The following DNAH3 variants were observed in gnomAD, a reference collection of about 807,000 sequenced individuals.
DNAH3 encodes axonemal beta dynein heavy chain 3.
In DNAH3, 332 loss-of-function variants were observed where a neutral mutation model predicts 432.5. That is an observed-to-expected ratio of 0.77 (90% CI 0.70 to 0.84). The LOEUF (loss-of-function observed/expected upper bound fraction) is 0.84, where lower values mean the gene tolerates loss of function less well. Among genes scored for constraint, DNAH3 ranks in the 40% least tolerant of loss-of-function variants. The pLI is 0.00. For missense variants in DNAH3, 4,861 were observed against 5,114.0 expected (o/e 0.95, Z 1.51); for synonymous variants, 1,956 against 1,900.2 (o/e 1.03, Z -0.76).
chr16:21,027,802 C>T (rs1432183452), intron 37 of DNAH3, among the ~76,000 whole-genome samples: 2 of 152,182 alleles, frequency 1.3e-5, no homozygotes, highest in Non-Finnish European at 2.9e-5. Context: ...GATGAAGAAT[C>T]GAGAAGTTAT....
At chr16:21,044,988 G>A (rs1465994208) in intron 31 of DNAH3, among the ~76,000 whole-genome samples, 22 of 151,898 alleles carry the variant, frequency 1.4e-4, no homozygotes, top group East Asian at 7.7e-4. Flanking sequence ...ATTGATTTGC[G>A]GATATTGAAC....
At chr16:21,155,043 G>A (rs1157045592) in intron 1 of DNAH3, among the ~76,000 whole-genome samples, 1 of 149,294 alleles carries the variant, frequency 6.7e-6, no homozygotes, top group Non-Finnish European at 1.5e-5. Flanking sequence ...TCCACCTCCT[G>A]GGTTCAAGTG....
chr16:21,079,383 G>A (rs1380011448), intron 20 of DNAH3, among the ~76,000 whole-genome samples: 1 of 152,148 alleles, frequency 6.6e-6, no homozygotes, highest in Non-Finnish European at 1.5e-5. Context: ...CAGTACTTTG[G>A]GAGGCCAAGG....
exon 32 of DNAH3, chr16:21,042,058 G>A (rs2089466470): frequency 6.2e-7 from 1 of 1,613,910 alleles, no homozygotes. Flanking sequence ...AGCCCTGCCA[G>A]CATACCCGGG....
intron 30 of DNAH3, 82 bp downstream of exon 30, chr16:21,049,828 C>T: frequency 2.2e-6 from 3 of 1,393,746 alleles, no homozygotes; most frequent in Middle Eastern, 1.9e-4. Flanking sequence ...GCTAAACCAT[C>T]TTAAAGTTGA....
rs2088066572 is a variant in DNAH3 at position 21,019,846 on chromosome 16, C to T, written c.5800G>A (p.Glu1934Lys). ...AGGCCTTCACCTAATTCCATTTCCT[C>T]CTCTTCTACTGCCCTGATTTCATCT... is the stretch of plus-strand genomic sequence containing the variant. Residue 1934 changes from glutamate to lysine, a missense_variant, in exon 41 of 62, where the codon GAG becomes AAG. Glu to Lys is a moderately conservative substitution (Grantham distance 56). Transcript: ENST00000261383. 1.2e-6 allele frequency: 2 copies of T among 1,614,132 alleles called. No individual in the cohort carries two copies. The highest frequency in any genetic ancestry group is 2.7e-5 in the African/African-American group (2 of 75,038).
chr16:20,947,433 A>G (rs890774503), intron 57 of DNAH3, among the ~76,000 whole-genome samples: 3 of 152,304 alleles, frequency 2.0e-5, no homozygotes, highest in Middle Eastern at 3.4e-3. Flanking sequence ...ATTAATTTCA[A>G]TTAAAGGGGG....
chr16:20,994,195 C>T (rs1045795184), intron 44 of DNAH3, among the ~76,000 whole-genome samples: 5 of 152,124 alleles, frequency 3.3e-5, no homozygotes, highest in East Asian at 1.9e-4. Flanking sequence ...TTTGGGAGGC[C>T]GAGGTGGGTG....
chr16:21,092,868 T>A (rs1264598695), intron 18 of DNAH3, among the ~76,000 whole-genome samples: 1 of 152,080 alleles, frequency 6.6e-6, no homozygotes, highest in African/African-American at 2.4e-5. Context: ...TGAATAAGCA[T>A]ATGAAAAGAT....
intron 4 of DNAH3, 37 bp downstream of exon 5, chr16:21,141,263 C>T (rs771165063): frequency 1.6e-5 from 23 of 1,458,810 alleles, no homozygotes; most frequent in East Asian, 4.8e-5. Flanking sequence ...TTCAGCCCAC[C>T]GTCCTGCCTT....
At chr16:21,141,371 T>A (rs1173407172) in exon 4 of DNAH3, 2 of 1,585,724 alleles carry the variant, frequency 1.3e-6, no homozygotes, top group Admixed American at 1.8e-5. Context: ...AGCTTCTATT[T>A]CCTGGAAGAA....
chr16:21,057,267 T>G (rs1452119050), intron 27 of DNAH3, among the ~76,000 whole-genome samples: 1 of 152,072 alleles, frequency 6.6e-6, no homozygotes, highest in Admixed American at 6.6e-5. Context: ...AGAAAAAGTT[T>G]AAAAACAAAC....
chr16:20,974,603 T>G (rs1397801872), intron 51 of DNAH3, among the ~76,000 whole-genome samples: 11 of 133,396 alleles, frequency 8.2e-5, no homozygotes, highest in Non-Finnish European at 1.8e-4. Context: ...TTTTTTTTTG[T>G]AGAGACAGAA....
chr16:21,028,786 G>A (rs757377342), intron 37 of DNAH3, among the ~76,000 whole-genome samples: 4 of 152,146 alleles, frequency 2.6e-5, no homozygotes, highest in Admixed American at 6.5e-5. Context: ...TCCTACTCAC[G>A]AAAATGGATT....
chr16:20,937,265 C>A (rs1001426525), intron 59 of DNAH3, among the ~76,000 whole-genome samples: 1 of 152,102 alleles, frequency 6.6e-6, no homozygotes, highest in Admixed American at 6.6e-5. Flanking sequence ...AGTGATCCTC[C>A]TGCCTCAGCC....
chr16:20,970,547 A>G (rs1477422213), intron 51 of DNAH3, among the ~76,000 whole-genome samples: 8 of 152,324 alleles, frequency 5.3e-5, no homozygotes, highest in African/African-American at 1.9e-4. Context: ...AAAACAAAAC[A>G]AAAATCTCAC....
intron 12 of DNAH3, among the ~76,000 whole-genome samples, chr16:21,113,839 C>G (rs1287012923): frequency 1.3e-5 from 2 of 152,128 alleles, no homozygotes. Flanking sequence ...AAAGCACACA[C>G]AAATGAATTA....
exon 6 of DNAH3, chr16:21,136,439 C>T (rs372892488): frequency 6.2e-7 from 1 of 1,614,010 alleles, no homozygotes. Context: ...GCTTTGAAAT[C>T]CGAACCATCA....
At chr16:21,048,543 G>T (rs954238344) in intron 31 of DNAH3, among the ~76,000 whole-genome samples, 1 of 152,150 alleles carries the variant, frequency 6.6e-6, no homozygotes, top group Non-Finnish European at 1.5e-5. Context: ...GCTGGCGCAC[G>T]GTGCACGCAC....
Sources: gnomAD v4.1 joint callset for allele counts (sites outside exome capture counted in the v4.1 genomes callset) on GRCh38, gnomAD v4.1.1 for gene constraint, MANE v1.5 for transcripts, NCBI Gene and HGNC (gene_info 2026-07-23, HGNC 2026-07-21) for gene names.